MAGI2: variants seen among roughly 807,000 people sequenced by gnomAD.
The protein encoded by MAGI2 is membrane associated guanylate kinase, WW and PDZ domain containing 2, also known as membrane-associated guanylate kinase, WW and PDZ domain-containing protein 2.
In MAGI2, 35 loss-of-function variants were observed where a neutral mutation model predicts 133.3. The observed-to-expected ratio is 0.26, with a 90% confidence interval of 0.20 to 0.35. The LOEUF (loss-of-function observed/expected upper bound fraction) is 0.35. Ranked by LOEUF, MAGI2 falls within the 10% of genes least tolerant of loss-of-function variation. The pLI is 1.00. For missense variants in MAGI2, 1,636 were observed against 1,863.4 expected, an observed-to-expected ratio of 0.88 and a Z score of 2.25; for synonymous variants, 729 against 710.6, an observed-to-expected ratio of 1.03 and a Z score of -0.41.
intron 3 of MAGI2, among the ~76,000 whole-genome samples, chr7:78,602,595 TA>T (rs1186175885): frequency 6.6e-6 from 1 of 152,030 alleles, no homozygotes; most frequent in African/African-American, 2.4e-5. Flanking sequence ...CTAAGAGCAT[TA>T]AAAAAAGCTG....
chr7:78,320,289 G>A (rs772420253), intron 9 of MAGI2, among the ~76,000 whole-genome samples: 13 of 152,122 alleles, frequency 8.5e-5, no homozygotes, highest in East Asian at 3.9e-4. Context: ...GCATCATCCC[G>A]ATACCAAAAC....
chr7:78,935,859 C>T (rs1379595805), intron 2 of MAGI2, among the ~76,000 whole-genome samples: 1 of 152,090 alleles, frequency 6.6e-6, no homozygotes. Flanking sequence ...TCTGGCCCTA[C>T]ATGTCACTGA....
chr7:79,436,522 C>A (rs374332343), intron 1 of MAGI2, among the ~76,000 whole-genome samples: 1 of 151,978 alleles, frequency 6.6e-6, no homozygotes, highest in Admixed American at 6.6e-5. Flanking sequence ...AACAAATAAC[C>A]CCATTAAAAA....
chr7:78,978,951 G>C (rs1184190138), intron 2 of MAGI2, among the ~76,000 whole-genome samples: 2 of 151,796 alleles, frequency 1.3e-5, no homozygotes, highest in Non-Finnish European at 2.9e-5. Context: ...GATGGTGAGA[G>C]CCAGGTTTTC....
chr7:79,027,822 T>A (rs1339855670), intron 1 of MAGI2, among the ~76,000 whole-genome samples: 2 of 152,026 alleles, frequency 1.3e-5, no homozygotes, highest in Non-Finnish European at 2.9e-5. Context: ...TAGAATAATT[T>A]AAAAAAAATC....
intron 4 of MAGI2, chr7:78,519,134 A>AG (rs1796280701): frequency 6.6e-6 from 1 of 151,868 alleles, no homozygotes; most frequent in East Asian, 1.9e-4. Context: ...GTGCTAAAAA[A>AG]AAAAAAAAAA....
chr7:78,537,431 C>T (rs1798054595), intron 3 of MAGI2, among the ~76,000 whole-genome samples: 1 of 152,080 alleles, frequency 6.6e-6, no homozygotes, highest in Non-Finnish European at 1.5e-5. Context: ...TACTGTTTTC[C>T]ATAGAGGTTT....
At chr7:79,325,868 C>T (rs899639445) in intron 1 of MAGI2, among the ~76,000 whole-genome samples, 1 of 152,088 alleles carries the variant, frequency 6.6e-6, no homozygotes, top group Non-Finnish European at 1.5e-5. Context: ...ACTGCTGATA[C>T]TACACCTGAT....
intron 1 of MAGI2, among the ~76,000 whole-genome samples, chr7:79,039,872 A>T (rs1811490478): frequency 6.9e-6 from 1 of 145,140 alleles, no homozygotes; most frequent in African/African-American, 2.5e-5. Flanking sequence ...TATATAATAT[A>T]TATGTATATA....
chr7:78,961,765 G>C (rs940145229), intron 2 of MAGI2, among the ~76,000 whole-genome samples: 1 of 152,126 alleles, frequency 6.6e-6, no homozygotes, highest in Non-Finnish European at 1.5e-5. Context: ...ATACAGTCAT[G>C]TGTAGCTTAA....
intron 2 of MAGI2, among the ~76,000 whole-genome samples, chr7:78,752,858 C>A (rs1439752681): frequency 1.3e-5 from 2 of 152,170 alleles, no homozygotes; most frequent in Non-Finnish European, 2.9e-5. Context: ...AAATATCTGG[C>A]TAAGTCCTGA....
At chr7:79,361,244 T>C (rs1842357519) in intron 1 of MAGI2, among the ~76,000 whole-genome samples, 1 of 152,026 alleles carries the variant, frequency 6.6e-6, no homozygotes, top group Non-Finnish European at 1.5e-5. Flanking sequence ...AAAAGAGAAA[T>C]AGGTAAGTTC....
chr7:79,364,076 A>G (rs1842536115), intron 1 of MAGI2, among the ~76,000 whole-genome samples: 1 of 152,016 alleles, frequency 6.6e-6, no homozygotes. Flanking sequence ...CTATTATTAA[A>G]AAGAAAAAAG....
At chr7:79,153,326 C>T (rs935822902) in intron 1 of MAGI2, among the ~76,000 whole-genome samples, 1 of 152,160 alleles carries the variant, frequency 6.6e-6, no homozygotes, top group Non-Finnish European at 1.5e-5. Flanking sequence ...GCACCACTGG[C>T]GAGCAGCAGA....
intron 2 of MAGI2, among the ~76,000 whole-genome samples, chr7:78,893,812 C>A (rs913883380): frequency 3.3e-5 from 5 of 152,070 alleles, no homozygotes; most frequent in Middle Eastern, 6.8e-3. Flanking sequence ...ACCAACATGG[C>A]GCATATATAC....
At chr7:78,829,848 T>A (rs111836074) in intron 2 of MAGI2, among the ~76,000 whole-genome samples, 31 of 152,194 alleles carry the variant, frequency 2.0e-4, no homozygotes, top group African/African-American at 6.7e-4. Flanking sequence ...GAAGAATGTA[T>A]CCAAAGTGTT....
chr7:79,100,473 A>C (rs1268136748), intron 1 of MAGI2, among the ~76,000 whole-genome samples: 1 of 151,616 alleles, frequency 6.6e-6, no homozygotes, highest in African/African-American at 2.4e-5. Flanking sequence ...AATCAGGTTA[A>C]TGTACATTAT....
intron 2 of MAGI2, among the ~76,000 whole-genome samples, chr7:78,732,032 A>G (rs973678086): frequency 1.3e-5 from 2 of 152,146 alleles, no homozygotes; most frequent in African/African-American, 4.8e-5. Context: ...TTTAAAAGCA[A>G]GCAATAAAAC....
At chr7:79,219,538 T>C (rs763353655) in intron 1 of MAGI2, among the ~76,000 whole-genome samples, 1 of 152,102 alleles carries the variant, frequency 6.6e-6, no homozygotes, top group Non-Finnish European at 1.5e-5. Flanking sequence ...TTGTCCTTGA[T>C]TGATTGCTTT....
Sources: gnomAD v4.1 joint callset for allele counts (sites outside exome capture counted in the v4.1 genomes callset) on GRCh38, gnomAD v4.1.1 for gene constraint, MANE v1.5 for transcripts, NCBI Gene and HGNC (gene_info 2026-07-23, HGNC 2026-07-21) for gene names.